CSMD3: variants seen among roughly 807,000 people sequenced by gnomAD.
The protein encoded by CSMD3 is CUB and Sushi multiple domains 3, also known as CUB and sushi domain-containing protein 3.
In CSMD3, 177 loss-of-function variants were observed where a neutral mutation model predicts 435.2. The ratio of observed to expected loss-of-function variants is 0.41; its 90% confidence interval spans 0.36 to 0.46. CSMD3 has a LOEUF of 0.46. Among genes scored for constraint, CSMD3 ranks in the 20% least tolerant of loss-of-function variants. The pLI, the probability that CSMD3 is intolerant of heterozygous loss-of-function variation, is 0.34. For missense variants in CSMD3, 4,265 were observed against 4,504.6 expected (o/e 0.95, Z 1.52); for synonymous variants, 1,656 against 1,520.5 (o/e 1.09, Z -2.07).
chr8:112,632,700 G>A (rs1347250305), intron 22 of CSMD3, among the ~76,000 whole-genome samples: 1 of 151,944 alleles, frequency 6.6e-6, no homozygotes, highest in East Asian at 1.9e-4. Flanking sequence ...AAATGACAGT[G>A]TTTTTGTAAT....
At chr8:113,325,127 G>A (rs938273346) in intron 1 of CSMD3, among the ~76,000 whole-genome samples, 8 of 152,324 alleles carry the variant, frequency 5.3e-5, no homozygotes, top group Admixed American at 4.6e-4. Flanking sequence ...TGTGTCAGAT[G>A]AGACTTTGGA....
At chr8:112,668,857 A>G (rs1177428373) in intron 16 of CSMD3, among the ~76,000 whole-genome samples, 8 of 151,814 alleles carry the variant, frequency 5.3e-5, no homozygotes, top group African/African-American at 1.7e-4. Flanking sequence ...GTCAGTAAGG[A>G]GAAGCCATGG....
chr8:112,841,094 A>G (rs2080166827), intron 11 of CSMD3, among the ~76,000 whole-genome samples: 1 of 151,728 alleles, frequency 6.6e-6, no homozygotes, highest in African/African-American at 2.4e-5. Context: ...GTGTTCAGTG[A>G]TAGAGGAGGT....
At chr8:112,379,661 TA>T (rs1338747680) in intron 38 of CSMD3, among the ~76,000 whole-genome samples, 3 of 151,838 alleles carry the variant, frequency 2.0e-5, no homozygotes, top group South Asian at 2.1e-4. Flanking sequence ...TTTCCAAAAA[TA>T]AAAAAAGTAC....
At chr8:112,286,384 T>G (rs138238779) in intron 58 of CSMD3, among the ~76,000 whole-genome samples, 201 of 152,226 alleles carry the variant, frequency 1.3e-3, no homozygotes, top group African/African-American at 4.5e-3. Context: ...CTGAGTAGCA[T>G]GATGAAATAT....
chr8:113,119,551 T>C (rs1285850271), intron 4 of CSMD3, among the ~76,000 whole-genome samples: 2 of 152,138 alleles, frequency 1.3e-5, no homozygotes, highest in Non-Finnish European at 2.9e-5. Context: ...TGGAAAAAGA[T>C]GCCCAAAGGA....
At position 113,294,734 on chromosome 8, in the gene CSMD3, T is replaced by G. The variant is rs115956850; in HGVS notation, c.402-16030A>C. Among the ~76,000 whole-genome samples, 1,264 of 152,286 alleles carry G rather than the reference T, an allele frequency of 8.3e-3. 17 individuals are homozygous for G. Among genetic ancestry groups the G allele is most frequent in the African/African-American group, 0.028 (1,184 of 41,552 alleles). ...ATAGTAGCCCATATTGACTATCATT[T>G]TAAGCTATTTGACTGTGAAAAAAAA... On this transcript the variant is annotated intron_variant, in intron 2 of 70. Transcript: ENST00000297405.
Position 112,311,108 on chromosome 8 carries a change from AC to A in CSMD3, c.7754del (p.Gly2585ValfsTer60). The A allele has an allele frequency of 6.2e-7, 1 of 1,614,018 alleles. No homozygotes were observed. Among genetic ancestry groups the A allele is most frequent in the Non-Finnish European group, 8.5e-7 (1 of 1,179,978 alleles). Reference protein sequence around the residue: ...PPHGYIISQTGGQLNSVVRWA... With the variant: ...PPHGYIISQTXGQLNSVVRWA... Reference sequence around the variant, plus strand: ...AACGGACCACACTGTTAAGCTGCCCACCTGTCTGACTGATAATATATCCATG... The same window carrying A: ...AACGGACCACACTGTTAAGCTGCCCACTGTCTGACTGATAATATATCCATG... On this transcript the variant is annotated frameshift_variant, in exon 50 of 71. Transcript: ENST00000297405. LOFTEE classifies it high-confidence loss of function.
intron 36 of CSMD3, among the ~76,000 whole-genome samples, chr8:112,388,102 G>T (rs1475850914): frequency 6.6e-6 from 1 of 152,166 alleles, no homozygotes; most frequent in African/African-American, 2.4e-5. Context: ...CATAAAAGGA[G>T]ATCATAGAGA....
At position 112,252,679 on chromosome 8, in the gene CSMD3, GTA is replaced by G. The variant is rs10542301; in HGVS notation, c.10110+1572_10110+1573del. On this transcript the variant is annotated intron_variant, in intron 63 of 70. Transcript: ENST00000297405. ...GTTAACAGATTTAGTATGTGTGTGT[GTA>G]TATATATATATATATATATATATAT... Among the ~76,000 whole-genome samples, 926 of 141,372 alleles carry G rather than the reference GTA, an allele frequency of 6.6e-3. 16 individuals carry two copies. The East Asian group carries it at 0.066, about 10-fold the overall frequency. 92.7% of individuals were successfully genotyped at this position (141,372 alleles called of 152,430 possible).
intron 1 of CSMD3, among the ~76,000 whole-genome samples, chr8:113,392,543 C>T (rs1048225817): frequency 4.6e-5 from 7 of 152,068 alleles, no homozygotes; most frequent in African/African-American, 1.7e-4. Context: ...CAAAGAAAGC[C>T]TAAATAACTT....
intron 22 of CSMD3, among the ~76,000 whole-genome samples, chr8:112,597,370 A>T (rs1563749626): frequency 6.6e-6 from 1 of 150,418 alleles, no homozygotes; most frequent in East Asian, 2.0e-4. Flanking sequence ...TTGTGGCAAT[A>T]ATCAATAGTT....
intron 21 of CSMD3, among the ~76,000 whole-genome samples, 160 bp from the exon 22 acceptor site, chr8:112,637,165 C>A (rs2074684619): frequency 6.6e-6 from 1 of 152,056 alleles, no homozygotes; most frequent in Admixed American, 6.6e-5. Flanking sequence ...GGCACACATA[C>A]GTTTCTTTTT....
intron 35 of CSMD3, among the ~76,000 whole-genome samples, chr8:112,404,225 A>C (rs916776965): frequency 6.6e-6 from 1 of 152,172 alleles, no homozygotes; most frequent in African/African-American, 2.4e-5. Context: ...AAGCAAATAT[A>C]TTCTATAAAA....
At chr8:112,281,904 GTAAT>G (rs1403138147) in intron 58 of CSMD3, among the ~76,000 whole-genome samples, 1 of 151,962 alleles carries the variant, frequency 6.6e-6, no homozygotes, top group Non-Finnish European at 1.5e-5. Context: ...TAAAAACAAA[GTAAT>G]TAAATATTAG....
At chr8:112,496,041 C>A (rs1037351689) in intron 30 of CSMD3, among the ~76,000 whole-genome samples, 1 of 151,990 alleles carries the variant, frequency 6.6e-6, no homozygotes, top group Admixed American at 6.6e-5. Context: ...GCGATCTCGG[C>A]TCACTGCAAG....
intron 10 of CSMD3, among the ~76,000 whole-genome samples, chr8:112,910,729 T>C (rs1248107619): frequency 6.6e-6 from 1 of 151,882 alleles, no homozygotes; most frequent in Non-Finnish European, 1.5e-5. Context: ...TCTACAAACC[T>C]AGCTAGCTCT....
intron 9 of CSMD3, among the ~76,000 whole-genome samples, chr8:112,939,826 G>C (rs993916693): frequency 2.0e-5 from 3 of 151,858 alleles, no homozygotes; most frequent in Admixed American, 2.0e-4. Context: ...CAATAAAAGA[G>C]TGAAAAATGG....
In CSMD3 at chr8:113,374,827, AAAAAAAAAAAAAAAAAAAAAC is replaced by A. The variant is rs1038961251; in HGVS notation, c.179-60055_179-60035del. Among the ~76,000 whole-genome samples, 48 of 65,708 alleles carry A rather than the reference AAAAAAAAAAAAAAAAAAAAAC, an allele frequency of 7.3e-4. 2 individuals are homozygous for A. The highest frequency in any genetic ancestry group is 1.9e-3 in the African/African-American group (44 of 23,294). The allele number at this position is 65,708 out of a possible 152,430, so 43.1% of individuals were successfully genotyped here. ...CCTTGTTGTTAAAAAGTAAAAAAAA[AAAAAAAAAAAAAAAAAAAAAC>A]CAATAAAATGAACACCATAATACCA... On this transcript the variant is annotated intron_variant, in intron 1 of 70. Transcript: ENST00000297405.
Sources: gnomAD v4.1 joint callset for allele counts (sites outside exome capture counted in the v4.1 genomes callset) on GRCh38, gnomAD v4.1.1 for gene constraint, MANE v1.5 for transcripts, NCBI Gene and HGNC (gene_info 2026-07-23, HGNC 2026-07-21) for gene names.